ARMH3: variants seen among roughly 807,000 people sequenced by gnomAD.
The protein encoded by ARMH3 is armadillo-like helical domain-containing protein 3.
ARMH3 carries 60 observed loss-of-function variants against 99.1 expected under a neutral mutation model. The observed-to-expected ratio is 0.61, with a 90% confidence interval of 0.49 to 0.75. The LOEUF is 0.75. ARMH3 is among the 30% of genes least tolerant of loss of function. The pLI is 0.00. For missense variants in ARMH3, 679 were observed against 843.1 expected, an observed-to-expected ratio of 0.81 and a Z score of 2.41; for synonymous variants, 285 against 292.8, an observed-to-expected ratio of 0.97 and a Z score of 0.27.
At chr10:102,028,294 A>C (rs1283187249) in intron 5 of ARMH3, among the ~76,000 whole-genome samples, 1 of 152,146 alleles carries the variant, frequency 6.6e-6, no homozygotes, top group Non-Finnish European at 1.5e-5. Flanking sequence ...CATGCTTATA[A>C]TCTCAGCACT....
At chr10:101,889,626 T>C (rs1400508567) in intron 23 of ARMH3, 136 bp from the exon 24 acceptor site, 17 of 790,236 alleles carry the variant, frequency 2.2e-5, no homozygotes, top group Middle Eastern at 2.5e-4. Context: ...CTTCCTCTTA[T>C]TGAACATGAG....
At chr10:102,033,492 A>G (rs993616949) in intron 2 of ARMH3, 153 bp from the exon 3 acceptor site, 4 of 798,670 alleles carry the variant, frequency 5.0e-6, no homozygotes, top group Admixed American at 6.1e-5. Context: ...ATCTCGGCTC[A>G]CTGCAGGCTC....
intron 24 of ARMH3, among the ~76,000 whole-genome samples, chr10:101,877,846 G>A (rs1379507100): frequency 6.6e-6 from 1 of 152,062 alleles, no homozygotes; most frequent in East Asian, 1.9e-4. Flanking sequence ...TGAATAATAA[G>A]CTGAGCTCTT....
chr10:101,982,012 ACT>A (rs1342620681), intron 19 of ARMH3, among the ~76,000 whole-genome samples: 1 of 121,356 alleles, frequency 8.2e-6, no homozygotes, highest in East Asian at 2.5e-4. Flanking sequence ...ACAGAGCGAG[ACT>A]CTATCTCAAA....
chr10:101,860,094 A>G (rs1210267570), intron 24 of ARMH3, among the ~76,000 whole-genome samples: 1 of 152,222 alleles, frequency 6.6e-6, no homozygotes, highest in Admixed American at 6.5e-5. Flanking sequence ...GGGAAAGGGA[A>G]TATCAGAAAT....
At chr10:101,889,357 G>GCAACTGCTTGATCCTAGCCAC (rs2067629832) in intron 24 of ARMH3, 55 bp downstream of exon 24, 1 of 1,491,634 alleles carries the variant, frequency 6.7e-7, no homozygotes, top group Non-Finnish European at 9.4e-7. Flanking sequence ...CAGAGAGAAG[G>GCAACTGCTTGATCCTAGCCAC]CAACTGCTTG....
At chr10:101,919,163 G>A (rs909889907) in intron 23 of ARMH3, among the ~76,000 whole-genome samples, 2 of 152,122 alleles carry the variant, frequency 1.3e-5, no homozygotes, top group African/African-American at 2.4e-5. Flanking sequence ...GCATATCAAC[G>A]CAGTGAGATT....
intron 24 of ARMH3, among the ~76,000 whole-genome samples, chr10:101,851,396 G>A (rs1193651808): frequency 6.6e-6 from 1 of 152,200 alleles, no homozygotes; most frequent in Non-Finnish European, 1.5e-5. Context: ...GATCATCGGA[G>A]TGAAGTTGAT....
chr10:101,878,336 T>C (rs773787951), intron 24 of ARMH3, among the ~76,000 whole-genome samples: 6 of 152,028 alleles, frequency 3.9e-5, no homozygotes, highest in Non-Finnish European at 8.8e-5. Flanking sequence ...CCAAAATAAG[T>C]AAGTAAAAAT....
Position 102,033,077 on chromosome 10 carries a change from G to A in ARMH3, c.255C>T (p.Cys85=). 3 of 1,614,210 alleles carry A rather than the reference G, an allele frequency of 1.9e-6. No individual in the cohort carries two copies. The highest frequency in any genetic ancestry group is 3.3e-4 in the Middle Eastern group (2 of 6,062). ...KDNINCLFQH[C]IQALGEEHPI... is the part of the protein sequence containing the mutation. ...GATGCTCCTCTCCCAGAGCCTGGAT[G>A]CAGTGTTGGAATAAGCAATTAATAT... The change falls in exon 4 of 26, where the codon TGC becomes TGT. Residue 85 remains cysteine, a synonymous_variant. Coordinates refer to ENST00000370033, the MANE Select transcript of ARMH3 (RefSeq NM_024541.3).
In ARMH3 at chr10:101,846,965, A is replaced by T; in HGVS notation, c.*563T>A. The T allele has an allele frequency of 6.5e-6, 1 of 152,680 alleles. No homozygotes were observed. The highest frequency in any genetic ancestry group is 1.5e-5 in the Non-Finnish European group (1 of 68,300). The allele number at this position is 152,680 out of a possible 1,614,324, so 9.5% of individuals were successfully genotyped here. Reference sequence around the variant, plus strand: ...GACAGAGTGAGACTCCGTCTCAGAAAAAAAAGGAAAAAGGTACCCTATTCC... The same window carrying T: ...GACAGAGTGAGACTCCGTCTCAGAATAAAAAGGAAAAAGGTACCCTATTCC... On this transcript the variant is annotated 3_prime_UTR_variant, in exon 26 of 26. Coordinates refer to ENST00000370033, the MANE Select transcript of ARMH3 (RefSeq NM_024541.3).
chr10:101,913,041 CACA>C (rs1466259668), intron 23 of ARMH3: 1 of 152,254 alleles, frequency 6.6e-6, no homozygotes, highest in East Asian at 1.9e-4. Flanking sequence ...AGCGCAGTGG[CACA>C]ATCATAGCTC....
At chr10:101,890,050 T>C (rs2067649605) in intron 23 of ARMH3, among the ~76,000 whole-genome samples, 1 of 152,116 alleles carries the variant, frequency 6.6e-6, no homozygotes, top group Non-Finnish European at 1.5e-5. Flanking sequence ...TCTTATCAAA[T>C]CTACCTCTTA....
intron 8 of ARMH3, among the ~76,000 whole-genome samples, chr10:102,015,479 C>T (rs1253713995): frequency 6.6e-6 from 1 of 151,930 alleles, no homozygotes; most frequent in African/African-American, 2.4e-5. Flanking sequence ...CAACCTCTGC[C>T]TCCCAGGTTC....
intron 23 of ARMH3, among the ~76,000 whole-genome samples, chr10:101,935,449 G>A (rs938326150): frequency 3.9e-5 from 6 of 152,236 alleles, no homozygotes; most frequent in East Asian, 1.9e-4. Flanking sequence ...TTTATGCTCC[G>A]AGTGTGACGA....
chr10:101,906,087 C>T (rs1258245247), intron 23 of ARMH3, among the ~76,000 whole-genome samples: 1 of 152,218 alleles, frequency 6.6e-6, no homozygotes, highest in Non-Finnish European at 1.5e-5. Context: ...ATTTGTTTAG[C>T]TCTAGTCCAT....
intron 20 of ARMH3, among the ~76,000 whole-genome samples, chr10:101,971,366 G>A (rs1845766142): frequency 1.3e-5 from 2 of 151,950 alleles, no homozygotes; most frequent in Admixed American, 6.6e-5. Context: ...ATCACCTAAG[G>A]TCAGAAATTT....
chr10:101,894,151 G>GT (rs890190560), intron 23 of ARMH3, among the ~76,000 whole-genome samples: 18 of 152,066 alleles, frequency 1.2e-4, no homozygotes, highest in South Asian at 8.3e-4. Flanking sequence ...TCGGCCTTAT[G>GT]TTTTTTTTGC....
At chr10:101,903,647 G>A (rs187057574) in intron 23 of ARMH3, among the ~76,000 whole-genome samples, 4 of 152,250 alleles carry the variant, frequency 2.6e-5, no homozygotes, top group African/African-American at 2.4e-5. Context: ...GACTGATACC[G>A]AACTTTTACT....
Sources: gnomAD v4.1 joint callset for allele counts (sites outside exome capture counted in the v4.1 genomes callset) on GRCh38, gnomAD v4.1.1 for gene constraint, MANE v1.5 for transcripts, NCBI Gene and HGNC (gene_info 2026-07-23, HGNC 2026-07-21) for gene names.